The following ASCC3 variants were observed in gnomAD, a reference collection of about 807,000 sequenced individuals.
ASCC3 encodes the protein ASC-1 complex subunit P200.
Under a neutral mutation model 256.3 loss-of-function variants are expected in ASCC3, and 158 were observed. The ratio of observed to expected loss-of-function variants is 0.62; its 90% confidence interval spans 0.54 to 0.70. The LOEUF is 0.70. ASCC3 is among the 30% of genes least tolerant of loss of function. ASCC3 has a pLI of 0.00. For missense variants in ASCC3, 2,259 were observed against 2,626.0 expected, an observed-to-expected ratio of 0.86 and a Z score of 3.05; for synonymous variants, 948 against 883.4, an observed-to-expected ratio of 1.07 and a Z score of -1.30.
chr6:100,565,651 C>T (rs1770203673), intron 36 of ASCC3, among the ~76,000 whole-genome samples: 1 of 151,980 alleles, frequency 6.6e-6, no homozygotes, highest in Admixed American at 6.6e-5. Flanking sequence ...AGGGCCATGG[C>T]TTTCAGTAAA....
At position 100,799,576 on chromosome 6, in the gene ASCC3, T is replaced by A. The variant is rs1769810136; in HGVS notation, c.1128-4A>T. 1 of 1,611,382 alleles carries A rather than the reference T, an allele frequency of 6.2e-7. No individual in the cohort carries two copies. Among genetic ancestry groups the A allele is most frequent in the Non-Finnish European group, 8.5e-7 (1 of 1,178,990 alleles). The stretch of plus-strand genomic sequence containing the variant: ...AGCATTCAGAAGTGCCTGTTCTCTG[T>A]AAACATAAAAATAGGCCTAATTTGA... On this transcript the variant is annotated splice_polypyrimidine_tract_variant and splice_region_variant and intron_variant, in intron 6 of 41. Transcript: ENST00000369162.
intron 36 of ASCC3, among the ~76,000 whole-genome samples, chr6:100,545,045 G>A (rs1047537481): frequency 2.0e-5 from 3 of 151,370 alleles, no homozygotes; most frequent in Non-Finnish European, 4.4e-5. Flanking sequence ...AACTTTAAAA[G>A]AAAAACCACA....
intron 16 of ASCC3, among the ~76,000 whole-genome samples, chr6:100,656,743 T>C (rs1775933262): frequency 2.0e-5 from 3 of 151,378 alleles, no homozygotes; most frequent in Admixed American, 1.3e-4. Flanking sequence ...CATATTTCCT[T>C]AGCCAATGGT....
At chr6:100,848,115 T>C (rs1772470813) in intron 4 of ASCC3, 33 bp downstream of exon 4, 2 of 1,532,040 alleles carry the variant, frequency 1.3e-6, no homozygotes. Context: ...ATAGTTCACA[T>C]TAATATAAAA....
intron 36 of ASCC3, among the ~76,000 whole-genome samples, chr6:100,580,843 T>C (rs1164399552): frequency 6.6e-6 from 1 of 151,012 alleles, no homozygotes; most frequent in Non-Finnish European, 1.5e-5. Flanking sequence ...TTTGGTTTTT[T>C]GGTCTTGCGA....
intron 1 of ASCC3, among the ~76,000 whole-genome samples, chr6:100,869,934 T>G (rs533627066): frequency 6.6e-6 from 1 of 152,208 alleles, no homozygotes; most frequent in African/African-American, 2.4e-5. Flanking sequence ...CATAATAATA[T>G]AAGATAAAGC....
intron 11 of ASCC3, among the ~76,000 whole-genome samples, chr6:100,722,791 A>G (rs911209344): frequency 2.6e-5 from 4 of 151,830 alleles, no homozygotes; most frequent in African/African-American, 4.8e-5. Context: ...TGTGGAATGT[A>G]TAGATTATTG....
At chr6:100,841,505 T>C (rs541330612) in intron 4 of ASCC3, among the ~76,000 whole-genome samples, 1 of 152,262 alleles carries the variant, frequency 6.6e-6, no homozygotes, top group South Asian at 2.1e-4. Context: ...ATCTTAATTC[T>C]TATGAGATTA....
At chr6:100,569,554 T>C (rs1770476785) in intron 36 of ASCC3, among the ~76,000 whole-genome samples, 1 of 152,036 alleles carries the variant, frequency 6.6e-6, no homozygotes, top group South Asian at 2.1e-4. Context: ...GGCTAATTTT[T>C]TGTATTTTTT....
intron 36 of ASCC3, among the ~76,000 whole-genome samples, chr6:100,579,367 T>G (rs1235561673): frequency 1.3e-5 from 2 of 152,108 alleles, no homozygotes; most frequent in African/African-American, 4.8e-5. Flanking sequence ...TTTGTCAACT[T>G]TTGTTTTTGT....
chr6:100,540,571 C>T (rs935053582), intron 36 of ASCC3, among the ~76,000 whole-genome samples, 184 bp from the exon 37 acceptor site: 1 of 152,054 alleles, frequency 6.6e-6, no homozygotes, highest in Non-Finnish European at 1.5e-5. Context: ...GAATAACGTA[C>T]AATCTGTGAA....
At chr6:100,536,498 T>C (rs1775169829) in intron 37 of ASCC3, among the ~76,000 whole-genome samples, 1 of 152,192 alleles carries the variant, frequency 6.6e-6, no homozygotes, top group Non-Finnish European at 1.5e-5. Flanking sequence ...TTTCTATTTT[T>C]GAGACAGGAT....
At chr6:100,570,036 T>G (rs1261931148) in intron 36 of ASCC3, among the ~76,000 whole-genome samples, 1 of 152,190 alleles carries the variant, frequency 6.6e-6, no homozygotes, top group Non-Finnish European at 1.5e-5. Flanking sequence ...TTAATTTTGT[T>G]GTGGCTATTG....
chr6:100,859,166 C>T, intron 3 of ASCC3: 1 of 780,116 alleles, frequency 1.3e-6, no homozygotes, highest in Non-Finnish European at 2.4e-6. Context: ...CTCCTCTTTT[C>T]CATCCAGCCT....
chr6:100,717,125 C>A (rs1779122205), intron 12 of ASCC3, among the ~76,000 whole-genome samples: 1 of 151,800 alleles, frequency 6.6e-6, no homozygotes, highest in South Asian at 2.1e-4. Flanking sequence ...AAAATGACTC[C>A]CTAGAATTCT....
chr6:100,653,409 G>A (rs1775764793), intron 17 of ASCC3, among the ~76,000 whole-genome samples: 1 of 152,076 alleles, frequency 6.6e-6, no homozygotes, highest in South Asian at 2.1e-4. Flanking sequence ...GGAGGCCAAG[G>A]TGGGCGGCTC....
intron 36 of ASCC3, among the ~76,000 whole-genome samples, chr6:100,548,983 A>G (rs1769153409): frequency 6.6e-6 from 1 of 151,994 alleles, no homozygotes; most frequent in African/African-American, 2.4e-5. Context: ...AATAACATAA[A>G]ACAATTATAA....
intron 1 of ASCC3, among the ~76,000 whole-genome samples, chr6:100,871,532 C>T (rs1039616767): frequency 2.0e-5 from 3 of 152,146 alleles, no homozygotes; most frequent in African/African-American, 7.2e-5. Context: ...ACTTTGGGGC[C>T]AAGCCAGGTG....
intron 10 of ASCC3, among the ~76,000 whole-genome samples, chr6:100,744,877 G>A (rs141122659): frequency 0.012 from 1,847 of 152,306 alleles, 24 homozygotes; most frequent in Non-Finnish European, 0.015. Context: ...GTCAAAATTG[G>A]TTCAAGAATC....
Sources: allele counts gnomAD v4.1 joint callset (sites outside exome capture counted in the v4.1 genomes callset), GRCh38; gene constraint gnomAD v4.1.1; transcripts MANE v1.5; gene names NCBI Gene and HGNC (gene_info 2026-07-23, HGNC 2026-07-21).